Variants in GALNT2 observed in about 807,000 individuals in gnomAD.
The protein encoded by GALNT2 is UDP-GalNAc:polypeptide N-acetylgalactosaminyltransferase 2.
Under a neutral mutation model 81.4 loss-of-function variants are expected in GALNT2, and 31 were observed. The ratio of observed to expected loss-of-function variants is 0.38; its 90% CI spans 0.29 to 0.51. GALNT2 has a LOEUF of 0.51. Among genes scored for constraint, GALNT2 ranks in the 20% least tolerant of loss-of-function variants. The pLI is 0.87. For synonymous variants in GALNT2, 303 were observed against 287.4 expected, an observed-to-expected ratio of 1.05 and a Z score of -0.55; for missense variants, 629 against 765.7, an observed-to-expected ratio of 0.82 and a Z score of 2.11.
At chr1:230,160,713 A>T (rs1433504678) in intron 1 of GALNT2, among the ~76,000 whole-genome samples, 5 of 131,112 alleles carry the variant, frequency 3.8e-5, no homozygotes, top group Admixed American at 3.6e-4. Flanking sequence ...GACTCCATCT[A>T]AAAAAAAAAA....
intron 1 of GALNT2, among the ~76,000 whole-genome samples, chr1:230,169,765 T>A (rs1342655551): frequency 1.3e-5 from 2 of 152,240 alleles, no homozygotes; most frequent in Admixed American, 6.5e-5. Context: ...GTAAAATAAG[T>A]GAAGTGCTGA....
intron 1 of GALNT2, chr1:230,092,094 T>C (rs866773617): frequency 3.3e-5 from 5 of 152,282 alleles, no homozygotes; most frequent in African/African-American, 1.2e-4. Context: ...TTCAACATTC[T>C]TTAGTAATCA....
intron 1 of GALNT2, among the ~76,000 whole-genome samples, chr1:230,153,538 C>G (rs1662154301): frequency 6.6e-6 from 1 of 151,866 alleles, no homozygotes. Flanking sequence ...ATTACAGTGG[C>G]CTTGGTGGTG....
At chr1:230,140,268 T>C (rs1025302716) in intron 1 of GALNT2, among the ~76,000 whole-genome samples, 2 of 152,016 alleles carry the variant, frequency 1.3e-5, no homozygotes, top group African/African-American at 2.4e-5. Flanking sequence ...AGACAGGTGA[T>C]GGTTAACCAG....
chr1:230,179,740 T>C (rs544754269), intron 2 of GALNT2, among the ~76,000 whole-genome samples: 2 of 152,224 alleles, frequency 1.3e-5, no homozygotes, highest in Non-Finnish European at 2.9e-5. Context: ...TCCTAGTCTG[T>C]GGCCTGTCTT....
intron 7 of GALNT2, among the ~76,000 whole-genome samples, chr1:230,244,569 A>G (rs1425295438): frequency 6.7e-6 from 1 of 149,334 alleles, no homozygotes; most frequent in African/African-American, 2.5e-5. Flanking sequence ...CTGCCATGGC[A>G]GTGTTTGGGT....
chr1:230,161,270 C>G (rs955645035), intron 1 of GALNT2, among the ~76,000 whole-genome samples: 1 of 152,188 alleles, frequency 6.6e-6, no homozygotes, highest in Admixed American at 6.5e-5. Flanking sequence ...GTCTGGGGCT[C>G]CTCAACTCTC....
At chr1:230,260,117 C>A (rs1234116565) in intron 11 of GALNT2, among the ~76,000 whole-genome samples, 1 of 152,168 alleles carries the variant, frequency 6.6e-6, no homozygotes, top group Non-Finnish European at 1.5e-5. Context: ...CATGTTGGTG[C>A]TCAAAAAGTT....
intron 1 of GALNT2, among the ~76,000 whole-genome samples, chr1:230,124,703 C>T (rs1182103232): frequency 6.6e-6 from 1 of 152,188 alleles, no homozygotes; most frequent in South Asian, 2.1e-4. Flanking sequence ...CTTGGAACCT[C>T]CCACCTTCTT....
intron 1 of GALNT2, among the ~76,000 whole-genome samples, chr1:230,078,872 T>C (rs1288750686): frequency 6.6e-6 from 1 of 152,210 alleles, no homozygotes; most frequent in Non-Finnish European, 1.5e-5. Context: ...GGCATGATCA[T>C]GATCATAGCT....
intron 1 of GALNT2, among the ~76,000 whole-genome samples, chr1:230,106,783 G>T (rs1660557916): frequency 7.0e-6 from 1 of 143,122 alleles, no homozygotes. Flanking sequence ...AGTGTGTCTT[G>T]CCCAGTGTGG....
chr1:230,233,330 T>A (rs973705689), intron 3 of GALNT2, among the ~76,000 whole-genome samples: 5 of 152,196 alleles, frequency 3.3e-5, no homozygotes, highest in South Asian at 2.1e-4. Flanking sequence ...GGGCTTATAT[T>A]AGGGCCAGGC....
intron 1 of GALNT2, among the ~76,000 whole-genome samples, chr1:230,075,733 T>TGCAGAAA (rs1373328336): frequency 6.6e-6 from 1 of 152,140 alleles, no homozygotes. Context: ...TTACGTCGTG[T>TGCAGAAA]GCAGAAAGGT....
At chr1:230,132,178 C>T (rs139251588) in intron 1 of GALNT2, among the ~76,000 whole-genome samples, 223 of 152,216 alleles carry the variant, frequency 1.5e-3, no homozygotes, top group Non-Finnish European at 2.8e-3. Flanking sequence ...CTCGTAATGA[C>T]GGTCTCAAGT....
At position 230,232,604 on chromosome 1, in the gene GALNT2, T is replaced by A. The variant is rs183691378; in HGVS notation, c.375-3410T>A. On this transcript the variant is annotated intron_variant, in intron 3 of 15. Coordinates refer to ENST00000366672, the MANE Select transcript of GALNT2 (RefSeq NM_004481.5). ...ACCTAGGTCTGCTCGTCTCAGCAATTCCCGCTGTGTTAAGTGGGACCTAAT... is the reference window on the plus strand; with the variant it reads ...ACCTAGGTCTGCTCGTCTCAGCAATACCCGCTGTGTTAAGTGGGACCTAAT... Among the ~76,000 whole-genome samples the A allele has an allele frequency of 2.6e-5, 4 of 152,342 alleles. No individual in the cohort carries two copies. In the East Asian group the frequency reaches 5.8e-4, roughly 22 times the overall value.
At chr1:230,246,621 G>A (rs752114463) in intron 8 of GALNT2, among the ~76,000 whole-genome samples, 9 of 151,876 alleles carry the variant, frequency 5.9e-5, no homozygotes, top group Non-Finnish European at 1.2e-4. Context: ...CAACCCCCTC[G>A]CCCTCACCAA....
chr1:230,246,034 T>A, intron 7 of GALNT2, 29 bp from the exon 8 acceptor site: 1 of 1,587,554 alleles, frequency 6.3e-7, no homozygotes, highest in Non-Finnish European at 8.7e-7. Flanking sequence ...GCTGGGATTT[T>A]GATAACTACT....
chr1:230,067,879 G>A (rs1659247452), intron 1 of GALNT2, among the ~76,000 whole-genome samples: 1 of 152,180 alleles, frequency 6.6e-6, no homozygotes, highest in African/African-American at 2.4e-5. Context: ...CTTTCCCCCT[G>A]TCACTCCGCG....
At chr1:230,089,308 G>A (rs1024812661) in intron 1 of GALNT2, among the ~76,000 whole-genome samples, 4 of 151,792 alleles carry the variant, frequency 2.6e-5, no homozygotes, top group Admixed American at 6.6e-5. Context: ...CACCATGCCC[G>A]GCTGTTTTTT....
Sources: gnomAD v4.1 joint callset for allele counts (sites outside exome capture counted in the v4.1 genomes callset) on GRCh38, gnomAD v4.1.1 for gene constraint, MANE v1.5 for transcripts, NCBI Gene and HGNC (gene_info 2026-07-23, HGNC 2026-07-21) for gene names.